SEMA3F: variants seen among roughly 807,000 people sequenced by gnomAD.
SEMA3F encodes the protein semaphorin-3F.
A neutral mutation model predicts 98.5 loss-of-function variants in SEMA3F; 30 were observed. The observed-to-expected ratio is 0.30, with a 90% confidence interval of 0.23 to 0.41. The LOEUF (loss-of-function observed/expected upper bound fraction) is 0.41, where lower values mean the gene tolerates loss of function less well. Among genes scored for constraint, SEMA3F ranks in the 10% least tolerant of loss-of-function variants. The probability of loss-of-function intolerance (pLI) is 1.00; values close to 1 mark genes in which losing one functional copy is unlikely to be tolerated. For synonymous variants in SEMA3F, 380 were observed against 444.8 expected, an observed-to-expected ratio of 0.85 and a Z score of 1.83; for missense variants, 866 against 1,119.3, an observed-to-expected ratio of 0.77 and a Z score of 3.23.
At position 50,158,326 on chromosome 3, in the gene SEMA3F, G is replaced by A. The variant is rs558562539; in HGVS notation, c.-48-1249G>A. 2.6e-5 allele frequency among the ~76,000 whole-genome samples: 4 copies of A among 152,366 alleles called. No individual in the cohort carries two copies. The South Asian group carries it at 6.2e-4, about 24-fold the overall frequency. ...AGAACATTCACACAGAGGGTACCGC[G>A]TAAGGAGTGGGCCAAGAGGCTGAAG... On this transcript the variant is annotated intron_variant, in intron 1 of 18. Coordinates refer to ENST00000002829, the MANE Select transcript of SEMA3F (RefSeq NM_004186.5). This position sits in a 1 kb window ranked among gnomAD's most constrained non-coding sequence, Gnocchi z 4.8.
At chr3:50,181,656 C>G (rs1478603164) in intron 7 of SEMA3F, among the ~76,000 whole-genome samples, 1 of 143,790 alleles carries the variant, frequency 7.0e-6, no homozygotes, top group African/African-American at 2.6e-5. Context: ...GAGCCTTGCT[C>G]TGTTGCCCAG....
At position 50,164,947 on chromosome 3, in the gene SEMA3F, C is replaced by T. The variant is rs117239638; in HGVS notation, c.112+5213C>T. On this transcript the variant is annotated intron_variant, in intron 2 of 18. Transcript: ENST00000002829. Reference sequence around the variant, plus strand: ...TGGAAGAAATCTCAGTCACCAGGAGCGATCCTGAGGCTGGTGTGCAGGTGA... The same window carrying T: ...TGGAAGAAATCTCAGTCACCAGGAGTGATCCTGAGGCTGGTGTGCAGGTGA... Among the ~76,000 whole-genome samples, 311 of 152,362 alleles carry T rather than the reference C, an allele frequency of 2.0e-3. 7 individuals carry two copies. In the East Asian group the frequency reaches 0.052, roughly 25 times the overall value.
In SEMA3F at chr3:50,155,401, C is replaced by A; in HGVS notation, c.-212C>A. 3.6e-6 allele frequency: 1 copy of A among 277,288 alleles called. No individual in the cohort carries two copies. The highest frequency in any genetic ancestry group is 1.5e-4 in the South Asian group (1 of 6,628). The allele number at this position is 277,288 out of a possible 1,614,324, so 17.2% of individuals were successfully genotyped here. Reference sequence around the variant, plus strand: ...CTGACGCGCCCGAAGCCCGCGGAACCGGTTAAGCCGCGGCCGCGGCGCCGA... The same window carrying A: ...CTGACGCGCCCGAAGCCCGCGGAACAGGTTAAGCCGCGGCCGCGGCGCCGA... On this transcript the variant is annotated 5_prime_UTR_variant, in exon 1 of 19. Transcript: ENST00000002829. This position sits in a 1 kb window ranked among gnomAD's most constrained non-coding sequence, Gnocchi z 4.9.
In SEMA3F at chr3:50,185,409, C is replaced by T. The variant is rs1261995314; in HGVS notation, c.1457-34C>T. 5 of 1,587,658 alleles carry T rather than the reference C, an allele frequency of 3.1e-6. No homozygotes were observed. The East Asian group carries it at 1.1e-4, about 36-fold the overall frequency. On this transcript the variant is annotated intron_variant, in intron 13 of 18. Transcript: ENST00000002829. Reference sequence around the variant, plus strand: ...GCTGGTACCCCTTCCCCAGCATCCCCAGCCCCACTGAGGCCCTGCCCGGCC... The same window carrying T: ...GCTGGTACCCCTTCCCCAGCATCCCTAGCCCCACTGAGGCCCTGCCCGGCC...
chr3:50,187,900 C>G lies in SEMA3F; in HGVS notation c.2143C>G (p.Pro715Ala), dbSNP rs1352726311. Residue 715 changes from proline to alanine, a missense_variant, in exon 19 of 19, where the codon CCG (proline) becomes GCG (alanine). Around this residue, in one of 3 missense-constraint regions of SEMA3F, gnomAD observed 245 missense variants for 260.5 expected, o/e 0.94. Coordinates refer to ENST00000002829, the MANE Select transcript of SEMA3F (RefSeq NM_004186.5). ...CTTCCCACCACTGTCCATGAGCGCC[C>G]CGCCACCCCCAGGCGCAGGCCCCCC... ...ALFPPLSMSA[P>A]PPPGAGPPTP... The G allele has an allele frequency of 2.5e-6, 4 of 1,609,444 alleles. No individual in the cohort carries two copies. Among genetic ancestry groups the G allele is most frequent in the Non-Finnish European group, 3.4e-6 (4 of 1,177,522 alleles).
chr3:50,161,803 C>T (rs969102008), intron 2 of SEMA3F, among the ~76,000 whole-genome samples: 2 of 152,222 alleles, frequency 1.3e-5, no homozygotes, highest in Non-Finnish European at 2.9e-5. Context: ...GGGAGCCCAG[C>T]ACCTGCTGTG....
Position 50,183,539 on chromosome 3 carries a change from A to G in SEMA3F, c.1208A>G (p.Lys403Arg). Residue 403 changes from lysine (K) to arginine (R), a missense_variant, in exon 12 of 19, where the codon AAG (lysine) becomes AGG (arginine). Around this residue, in one of 3 missense-constraint regions of SEMA3F, gnomAD observed 374 missense variants for 582.8 expected, o/e 0.64. Transcript: ENST00000002829. ...PNYQWMPFSG[K>R]MPYPRPGTCP... The stretch of plus-strand genomic sequence containing the variant: ...TACCAGTGGATGCCCTTCTCAGGGA[A>G]GATGCCCTACCCACGGCCGGGCACG... 1 of 1,614,060 alleles carries G rather than the reference A, an allele frequency of 6.2e-7. No individual in the cohort carries two copies. Among genetic ancestry groups the G allele is most frequent in the Non-Finnish European group, 8.5e-7 (1 of 1,180,028 alleles).
intron 2 of SEMA3F, among the ~76,000 whole-genome samples, chr3:50,167,787 A>G (rs1467914398): frequency 2.0e-5 from 3 of 152,088 alleles, no homozygotes. Flanking sequence ...TGTGTCAGGG[A>G]TACAGAGACC....
intron 1 of SEMA3F, among the ~76,000 whole-genome samples, chr3:50,157,533 G>A (rs1224665450): frequency 1.3e-5 from 2 of 152,012 alleles, no homozygotes; most frequent in African/African-American, 4.8e-5. Context: ...CAGGCATCTC[G>A]GGACTGGCAG....
chr3:50,180,771 A>G (rs1173850862), intron 7 of SEMA3F, among the ~76,000 whole-genome samples: 1 of 152,246 alleles, frequency 6.6e-6, no homozygotes, highest in Non-Finnish European at 1.5e-5. Flanking sequence ...TATTGCAAGA[A>G]TCACCAAAAT....
At position 50,185,735 on chromosome 3, in the gene SEMA3F, T is replaced by C. The variant is rs1238240633; in HGVS notation, c.1587+28T>C. The C allele has an allele frequency of 7.4e-6, 12 of 1,613,748 alleles. No homozygotes were observed. In the Admixed American group the frequency reaches 1.0e-4, roughly 13 times the overall value. On this transcript the variant is annotated intron_variant, in intron 15 of 18. Coordinates refer to ENST00000002829, the MANE Select transcript of SEMA3F (RefSeq NM_004186.5). ...AAGCCTTTGGCGAGGTGAGCCAAGGTTGGGGACAGGGCCTGCATCCCCTCA... is the reference window on the plus strand; with the variant it reads ...AAGCCTTTGGCGAGGTGAGCCAAGGCTGGGGACAGGGCCTGCATCCCCTCA...
rs533144506 is a variant in SEMA3F at position 50,156,992 on chromosome 3, A to G, written c.-49+1428A>G. On this transcript the variant is annotated intron_variant, in intron 1 of 18. Transcript: ENST00000002829. The surrounding 1 kb of genome is among the most constrained non-coding windows in gnomAD (Gnocchi z 4.5). ...GAAGCTGAGGAGCCAAGAAGGAGAC[A>G]GAGCTCTTGTTGAAGTGGGGGAGGG... Among the ~76,000 whole-genome samples, 32 of 151,802 alleles carry G rather than the reference A, an allele frequency of 2.1e-4. No homozygotes were observed. In the South Asian group the frequency reaches 6.2e-3, roughly 30 times the overall value.
intron 18 of SEMA3F, among the ~76,000 whole-genome samples, 192 bp from the exon 19 acceptor site, chr3:50,187,513 A>T (rs561061501): frequency 3.9e-5 from 6 of 152,228 alleles, no homozygotes; most frequent in Admixed American, 2.0e-4. Context: ...CACTCCTGAA[A>T]TGGAAATCTG....
intron 16 of SEMA3F, 59 bp downstream of exon 16, chr3:50,186,105 G>A: frequency 1.9e-6 from 3 of 1,541,322 alleles, no homozygotes; most frequent in Non-Finnish European, 2.7e-6. Flanking sequence ...TATCCTAGGG[G>A]ATTGGGGGTG....
Position 50,182,506 on chromosome 3 carries a change from T to C in SEMA3F, c.763+103T>C, listed in dbSNP as rs1699051374. The C allele has an allele frequency of 2.5e-6, 4 of 1,581,538 alleles. No homozygotes were observed. Among genetic ancestry groups the C allele is most frequent in the South Asian group, 1.1e-5 (1 of 89,548 alleles). ...GGGAAGTGGGGACATGTTTAGCCTA[T>C]GACTACCTGGGGCAGGGGTAGTTTC... On this transcript the variant is annotated intron_variant, in intron 8 of 18. Transcript: ENST00000002829. The surrounding 1 kb of genome is among the most constrained non-coding windows in gnomAD (Gnocchi z 4.5).
rs1559743294 is a variant in SEMA3F at position 50,188,982 on chromosome 3, T to C, written c.*867T>C. The C allele has an allele frequency of 6.6e-6, 1 of 152,078 alleles. No individual in the cohort carries two copies. The highest frequency in any genetic ancestry group is 1.9e-4 in the East Asian group (1 of 5,166). The allele number at this position is 152,078 out of a possible 1,614,324, so 9.4% of individuals were successfully genotyped here. A position where few individuals can be genotyped will look rare whatever the true frequency, so the allele number is the denominator to read the frequency against. ...TAATTAGCTCTGGGGGGCAGTTGGG[T>C]AGATGGGTGGGGGCTCCTGGTGGCC... On this transcript the variant is annotated 3_prime_UTR_variant, in exon 19 of 19. Transcript: ENST00000002829. This position sits in a 1 kb window ranked among gnomAD's most constrained non-coding sequence, Gnocchi z 4.5.
intron 15 of SEMA3F, 74 bp from the exon 16 acceptor site, chr3:50,185,815 G>C (rs1559739293): frequency 6.9e-6 from 11 of 1,605,740 alleles, no homozygotes; most frequent in Admixed American, 1.7e-5. Context: ...CAGGGGAGAG[G>C]AGCCCAGCCT....
chr3:50,183,636 A>G, intron 12 of SEMA3F, 72 bp downstream of exon 12: 5 of 1,526,900 alleles, frequency 3.3e-6, no homozygotes, highest in Non-Finnish European at 4.5e-6. Flanking sequence ...GCTCTTTGCA[A>G]CATGGGCCCC....
chr3:50,166,888 G>A lies in SEMA3F; in HGVS notation c.113-6905G>A, dbSNP rs1227945578. Among the ~76,000 whole-genome samples, 19 of 151,998 alleles carry A rather than the reference G, an allele frequency of 1.3e-4. No individual in the cohort carries two copies. Among genetic ancestry groups the A allele is most frequent in the Non-Finnish European group, 2.8e-4 (19 of 67,978 alleles). ...AAGGAGTGAGGGGTTTCCGGGCCAG[G>A]TCTGGAATGTGGGAGGAGGAGGTGG... On this transcript the variant is annotated intron_variant, in intron 2 of 18. Coordinates refer to ENST00000002829, the MANE Select transcript of SEMA3F (RefSeq NM_004186.5). The surrounding 1 kb of genome is among the most constrained non-coding windows in gnomAD (Gnocchi z 4.7).
Sources: gnomAD v4.1 joint callset for allele counts (sites outside exome capture counted in the v4.1 genomes callset) on GRCh38, gnomAD v4.1.1 for gene constraint, gnomAD v4.1.1 regional missense constraint, Gnocchi (gnomAD v3.1) non-coding constraint, MANE v1.5 for transcripts, NCBI Gene and HGNC (gene_info 2026-07-23, HGNC 2026-07-21) for gene names.